STON2: variants seen among roughly 807,000 people sequenced by gnomAD.
STON2 encodes the protein stonin-2.
In STON2, 29 loss-of-function variants were observed where a neutral mutation model predicts 65.7. The ratio of observed to expected loss-of-function variants is 0.44; its 90% CI spans 0.33 to 0.60. The LOEUF is 0.60. Ranked by LOEUF, STON2 falls within the 20% of genes least tolerant of loss-of-function variation. STON2 has a pLI of 0.03. For synonymous variants in STON2, 404 were observed against 414.2 expected, an observed-to-expected ratio of 0.98 and a Z score of 0.30; for missense variants, 1,054 against 1,118.1, an observed-to-expected ratio of 0.94 and a Z score of 0.82.
Position 81,400,324 on chromosome 14 carries a change from T to C in STON2, c.-244A>G, listed in dbSNP as rs1900540112. Among the ~76,000 whole-genome samples, 1 of 152,108 alleles carries C rather than the reference T, an allele frequency of 6.6e-6. No individual in the cohort carries two copies. The highest frequency in any genetic ancestry group is 2.1e-4 in the South Asian group (1 of 4,818). The stretch of plus-strand genomic sequence containing the variant: ...ACAAGCACAAAGAGCTGATTCCCAC[T>C]GGCTTCTGCCTTTGACGACTTTCTC... On this transcript the variant is annotated 5_prime_UTR_variant, in exon 1 of 8. Coordinates refer to ENST00000614646, the MANE Select transcript of STON2 (RefSeq NM_001394390.1).
rs1894416178 is a variant in STON2 at position 81,267,832 on chromosome 14, A to G, written c.*582T>C. On this transcript the variant is annotated 3_prime_UTR_variant, in exon 8 of 8. Coordinates refer to ENST00000614646, the MANE Select transcript of STON2 (RefSeq NM_001394390.1). ...TGGAAAAAGTGTTCCAATCTAAACG[A>G]TCTAGAGCCAGGAGGGAAATGTCTT... 2.0e-6 allele frequency: 2 copies of G among 985,346 alleles called. No individual in the cohort carries two copies. Among genetic ancestry groups the G allele is most frequent in the African/African-American group, 3.5e-5 (2 of 57,234 alleles). The allele number at this position is 985,346 out of a possible 1,614,324, so 61.0% of individuals were successfully genotyped here. A position where few individuals can be genotyped will look rare whatever the true frequency, so the allele number is the denominator to read the frequency against.
intron 5 of STON2, among the ~76,000 whole-genome samples, chr14:81,321,370 TAAAAAAAA>T (rs566882924): frequency 7.9e-6 from 1 of 126,722 alleles, no homozygotes; most frequent in Admixed American, 8.1e-5. Flanking sequence ...GTTTCTACTT[TAAAAAAAA>T]AAAAAAAAAA....
intron 4 of STON2, among the ~76,000 whole-genome samples, chr14:81,340,064 G>C (rs1292040014): frequency 1.3e-5 from 2 of 152,192 alleles, no homozygotes; most frequent in Non-Finnish European, 2.9e-5. Flanking sequence ...TGAGGCAGGA[G>C]AATGGCATAA....
At chr14:81,418,219 T>C (rs1315022082) in intron 2 of STON2, 1 of 152,800 alleles carries the variant, frequency 6.5e-6, no homozygotes, top group Non-Finnish European at 1.5e-5. Flanking sequence ...GAGGAGCAAG[T>C]CACATCTTAC....
At chr14:81,278,858 A>C in intron 5 of STON2, 119 bp from the exon 6 acceptor site, 1 of 772,376 alleles carries the variant, frequency 1.3e-6, no homozygotes, top group East Asian at 2.6e-5. Flanking sequence ...ATTCCAAAGC[A>C]GCTCATTATC....
Position 81,264,209 on chromosome 14 carries a change from C to T in STON2, c.*4205G>A, listed in dbSNP as rs959850166. On this transcript the variant is annotated 3_prime_UTR_variant, in exon 8 of 8. Coordinates refer to ENST00000614646, the MANE Select transcript of STON2 (RefSeq NM_001394390.1). ...AATGTTTTTCAATGTGAATGAGGTA[C>T]ATTGTAGTTCAAATTCAGCAGCATA... 3.1e-5 allele frequency: 31 copies of T among 985,290 alleles called. No homozygotes were observed. The African/African-American group carries it at 4.7e-4, about 15-fold the overall frequency. 61.0% of individuals were successfully genotyped at this position (985,290 alleles called of 1,614,324 possible). A position where few individuals can be genotyped will look rare whatever the true frequency, so the allele number is the denominator to read the frequency against.
intron 4 of STON2, among the ~76,000 whole-genome samples, chr14:81,333,636 A>G (rs1897281904): frequency 6.6e-6 from 1 of 152,188 alleles, no homozygotes; most frequent in Non-Finnish European, 1.5e-5. Flanking sequence ...TCCTCTCTAG[A>G]CAGCAAATCC....
At position 81,268,235 on chromosome 14, in the gene STON2, G is replaced by A; in HGVS notation, c.*179C>T. The A allele has an allele frequency of 4.3e-6, 5 of 1,154,342 alleles. No homozygotes were observed. The highest frequency in any genetic ancestry group is 5.4e-6 in the Non-Finnish European group (5 of 925,598). The allele number at this position is 1,154,342 out of a possible 1,614,324, so 71.5% of individuals were successfully genotyped here. A position where few individuals can be genotyped will look rare whatever the true frequency, so the allele number is the denominator to read the frequency against. The stretch of plus-strand genomic sequence containing the variant: ...CCTCTCCAAAAGCCACCATTCTCAG[G>A]GTTTCCTGGTAAAATACAAGTAACT... On this transcript the variant is annotated 3_prime_UTR_variant, in exon 8 of 8. Transcript: ENST00000614646.
chr14:81,415,914 C>T (rs1408701126), intron 2 of STON2, among the ~76,000 whole-genome samples: 1 of 152,156 alleles, frequency 6.6e-6, no homozygotes, highest in Non-Finnish European at 1.5e-5. Flanking sequence ...TCTCCACCAC[C>T]TCTGAGAGGC....
intron 4 of STON2, among the ~76,000 whole-genome samples, chr14:81,368,574 C>T (rs1008537966): frequency 6.6e-6 from 1 of 152,020 alleles, no homozygotes. Context: ...ATTAGCCAGG[C>T]GCGGTGGCAC....
At chr14:81,425,319 C>T (rs1030028626) in intron 2 of STON2, among the ~76,000 whole-genome samples, 2 of 152,110 alleles carry the variant, frequency 1.3e-5, no homozygotes, top group African/African-American at 4.8e-5. Flanking sequence ...CCTGGAATCC[C>T]ACCACTTTAA....
chr14:81,410,800 G>A (rs1051185028), intron 2 of STON2, among the ~76,000 whole-genome samples: 1 of 152,308 alleles, frequency 6.6e-6, no homozygotes, highest in Non-Finnish European at 1.5e-5. Flanking sequence ...AGTAAAAAAT[G>A]GGAGGAGAAT....
At chr14:81,298,074 G>A (rs1206528191) in intron 5 of STON2, among the ~76,000 whole-genome samples, 1 of 152,092 alleles carries the variant, frequency 6.6e-6, no homozygotes, top group African/African-American at 2.4e-5. Context: ...TTATTGCCAT[G>A]CACATTAAGT....
rs1189876032 is a variant in STON2, at chr14:81,373,546, G to A, written c.374-2361C>T. ...ATCACACGGTGAGCAACAAAGTAAA[G>A]AATCATCAGAGGCCGAGTGAAAGCT... is the stretch of plus-strand genomic sequence containing the variant. On this transcript the variant is annotated intron_variant, in intron 3 of 7. Transcript: ENST00000614646. Among the ~76,000 whole-genome samples, 4 of 152,080 alleles carry A rather than the reference G, an allele frequency of 2.6e-5. No homozygotes were observed. In the East Asian group the frequency reaches 7.7e-4, roughly 29 times the overall value.
At chr14:81,419,697 C>T (rs1377259446) in intron 2 of STON2, among the ~76,000 whole-genome samples, 1 of 152,218 alleles carries the variant, frequency 6.6e-6, no homozygotes, top group Non-Finnish European at 1.5e-5. Flanking sequence ...TCTTCCACCT[C>T]CACTGGCCCA....
intron 4 of STON2, among the ~76,000 whole-genome samples, chr14:81,346,204 A>C (rs1897804139): frequency 6.6e-6 from 1 of 152,234 alleles, no homozygotes; most frequent in African/African-American, 2.4e-5. Flanking sequence ...TCTTAGTATC[A>C]CATCAAAAAG....
At chr14:81,272,848 A>G (rs1894654675) in intron 6 of STON2, among the ~76,000 whole-genome samples, 1 of 152,230 alleles carries the variant, frequency 6.6e-6, no homozygotes, top group Non-Finnish European at 1.5e-5. Context: ...AATGAACTAG[A>G]TATTAATAAC....
At chr14:81,268,682 T>A in intron 7 of STON2, 185 bp from the exon 8 acceptor site, 1 of 971,288 alleles carries the variant, frequency 1.0e-6, no homozygotes, top group African/African-American at 1.7e-5. Context: ...ACATGTTCTT[T>A]AACTGGTCTG....
intron 4 of STON2, among the ~76,000 whole-genome samples, chr14:81,337,843 C>A (rs1283264915): frequency 1.3e-5 from 2 of 151,978 alleles, no homozygotes. Flanking sequence ...CATGTGCCTG[C>A]AATCCAGCTA....
Sources: gnomAD v4.1 joint callset for allele counts (sites outside exome capture counted in the v4.1 genomes callset) on GRCh38, gnomAD v4.1.1 for gene constraint, MANE v1.5 for transcripts, NCBI Gene and HGNC (gene_info 2026-07-23, HGNC 2026-07-21) for gene names.